The following ADAMTS18 variants were observed in gnomAD, a reference collection of about 807,000 sequenced individuals.
ADAMTS18 encodes ADAM metallopeptidase with thrombospondin type 1 motif 18, also known as A disintegrin and metalloproteinase with thrombospondin motifs 18.
ADAMTS18 carries 157 observed loss-of-function variants against 165.9 expected under a neutral mutation model. The observed-to-expected ratio is 0.95, with a 90% CI of 0.83 to 1.08. ADAMTS18 has a LOEUF of 1.08. Among genes scored for constraint, ADAMTS18 ranks in the 50% least tolerant of loss-of-function variants. The pLI is 0.00. For missense variants in ADAMTS18, 2,040 were observed against 1,534.0 expected (o/e 1.33, Z -5.51); for synonymous variants, 782 against 578.2 (o/e 1.35, Z -5.06).
At chr16:77,432,148 C>A (rs1407406919) in intron 2 of ADAMTS18, among the ~76,000 whole-genome samples, 32 of 152,178 alleles carry the variant, frequency 2.1e-4, no homozygotes. Context: ...TATTTCAGAT[C>A]ATTAACAAGC....
At chr16:77,331,798 T>C (rs917683338) in intron 12 of ADAMTS18, among the ~76,000 whole-genome samples, 5 of 152,164 alleles carry the variant, frequency 3.3e-5, no homozygotes, top group African/African-American at 9.7e-5. Context: ...AGTGCTGACA[T>C]TGAAAAGCTC....
intron 3 of ADAMTS18, among the ~76,000 whole-genome samples, chr16:77,387,810 G>C (rs2057130330): frequency 2.0e-5 from 3 of 152,222 alleles, no homozygotes; most frequent in African/African-American, 4.8e-5. Context: ...AAGACTGTGA[G>C]TAAAGCAACC....
At chr16:77,332,610 C>A (rs1391549548) in intron 12 of ADAMTS18, among the ~76,000 whole-genome samples, 1 of 152,186 alleles carries the variant, frequency 6.6e-6, no homozygotes, top group African/African-American at 2.4e-5. Context: ...TATCTATCGC[C>A]AAAATCTGGG....
At chr16:77,404,009 C>T (rs1181935927) in intron 3 of ADAMTS18, among the ~76,000 whole-genome samples, 2 of 146,386 alleles carry the variant, frequency 1.4e-5, no homozygotes, top group Non-Finnish European at 3.0e-5. Context: ...TCCTCCCTCC[C>T]TCCCTCCCTC....
At chr16:77,335,928 G>A (rs755599494) in intron 11 of ADAMTS18, 24 bp from the exon 12 acceptor site, 2 of 1,614,024 alleles carry the variant, frequency 1.2e-6, no homozygotes, top group Non-Finnish European at 1.7e-6. Context: ...GTGTAAGATG[G>A]TTCCCGTCAG....
chr16:77,357,240 G>A (rs1305170976), intron 8 of ADAMTS18, among the ~76,000 whole-genome samples: 1 of 151,528 alleles, frequency 6.6e-6, no homozygotes, highest in Non-Finnish European at 1.5e-5. Flanking sequence ...GACTTTTTTT[G>A]TGACCCATGT....
At chr16:77,399,411 T>G (rs1288458137) in intron 3 of ADAMTS18, among the ~76,000 whole-genome samples, 2 of 152,182 alleles carry the variant, frequency 1.3e-5, no homozygotes, top group Admixed American at 1.3e-4. Flanking sequence ...TAAATTCAGG[T>G]GAATGAAGCA....
intron 3 of ADAMTS18, among the ~76,000 whole-genome samples, chr16:77,429,223 G>A (rs1338231130): frequency 6.6e-6 from 1 of 152,118 alleles, no homozygotes; most frequent in Non-Finnish European, 1.5e-5. Flanking sequence ...AAGAAAATGT[G>A]GTACATATAC....
chr16:77,384,062 G>A (rs994051501), intron 3 of ADAMTS18, among the ~76,000 whole-genome samples: 1 of 119,212 alleles, frequency 8.4e-6, no homozygotes, highest in African/African-American at 2.6e-5. Context: ...CTTAAAGGCT[G>A]GGACTTTGTG....
At chr16:77,311,861 A>G (rs2055787503) in intron 16 of ADAMTS18, among the ~76,000 whole-genome samples, 2 of 152,196 alleles carry the variant, frequency 1.3e-5, no homozygotes, top group South Asian at 2.1e-4. Context: ...TCTTGAATCT[A>G]TTGGTAGAAT....
At chr16:77,354,001 C>G (rs1297651310) in intron 9 of ADAMTS18, 115 bp from the exon 10 acceptor site, 3 of 1,275,492 alleles carry the variant, frequency 2.4e-6, no homozygotes, top group Non-Finnish European at 3.4e-6. Flanking sequence ...GTTCTAGAAA[C>G]AGGTATATGT....
intron 3 of ADAMTS18, among the ~76,000 whole-genome samples, chr16:77,412,223 A>C (rs1311132977): frequency 1.3e-5 from 2 of 152,184 alleles, no homozygotes; most frequent in African/African-American, 4.8e-5. Context: ...CTTCTAACTC[A>C]GACTGTAACT....
chr16:77,404,402 C>G (rs1437486306), intron 3 of ADAMTS18, among the ~76,000 whole-genome samples: 3 of 152,080 alleles, frequency 2.0e-5, no homozygotes, highest in Non-Finnish European at 4.4e-5. Context: ...TTCCACTGTA[C>G]TATATAATCA....
At chr16:77,376,529 A>G (rs570427875) in intron 3 of ADAMTS18, among the ~76,000 whole-genome samples, 189 of 152,298 alleles carry the variant, frequency 1.2e-3, no homozygotes, top group African/African-American at 4.4e-3. Flanking sequence ...ACAAGAGTCA[A>G]GCCGAGGGAA....
intron 11 of ADAMTS18, among the ~76,000 whole-genome samples, chr16:77,341,219 T>G (rs747575534): frequency 7.2e-5 from 11 of 152,154 alleles, no homozygotes; most frequent in Non-Finnish European, 1.3e-4. Context: ...ACACACTAGG[T>G]GGAGGCGTCT....
intron 12 of ADAMTS18, among the ~76,000 whole-genome samples, chr16:77,330,394 A>C (rs1014541278): frequency 1.3e-5 from 2 of 152,204 alleles, no homozygotes; most frequent in Admixed American, 1.3e-4. Flanking sequence ...AAAAATGTCA[A>C]AGGATTAAGA....
At chr16:77,410,444 G>C (rs976058947) in intron 3 of ADAMTS18, among the ~76,000 whole-genome samples, 1 of 152,126 alleles carries the variant, frequency 6.6e-6, no homozygotes, top group African/African-American at 2.4e-5. Flanking sequence ...AACAGATCTG[G>C]AATGGGGCCT....
At chr16:77,333,652 A>G (rs189376625) in intron 12 of ADAMTS18, among the ~76,000 whole-genome samples, 1 of 151,592 alleles carries the variant, frequency 6.6e-6, no homozygotes, top group Non-Finnish European at 1.5e-5. Flanking sequence ...CCCATGTTCA[A>G]TTCAGCATTA....
At chr16:77,291,615 C>G (rs187054290) in intron 20 of ADAMTS18, 137 bp from the exon 21 acceptor site, 20 of 908,484 alleles carry the variant, frequency 2.2e-5, no homozygotes, top group East Asian at 9.6e-5. Flanking sequence ...CACACTCACT[C>G]GAGGATCTTA....
Sources: gnomAD v4.1 joint callset for allele counts (sites outside exome capture counted in the v4.1 genomes callset) on GRCh38, gnomAD v4.1.1 for gene constraint, MANE v1.5 for transcripts, NCBI Gene and HGNC (gene_info 2026-07-23, HGNC 2026-07-21) for gene names.